DMD: variants seen among roughly 807,000 people sequenced by gnomAD.
DMD encodes the protein dystrophin.
In DMD, 63 loss-of-function variants were observed where a neutral mutation model predicts 330.1. That is an observed-to-expected ratio of 0.19 (90% CI 0.16 to 0.24). DMD has a LOEUF of 0.24. Among genes scored for constraint, DMD ranks in the 10% least tolerant of loss-of-function variants. The pLI, the probability that DMD is intolerant of heterozygous loss-of-function variation, is 1.00. For synonymous variants in DMD, 1,223 were observed against 959.8 expected (o/e 1.27, Z -5.07); for missense variants, 3,344 against 2,684.1 (o/e 1.25, Z -5.43).
chrX:33,138,895 G>T (rs762192879), intron 1 of DMD, among the ~76,000 whole-genome samples: 102 of 111,163 alleles, frequency 9.2e-4, no homozygotes, highest in African/African-American at 3.1e-3. Flanking sequence ...TTTCTGCCAC[G>T]TTTACCTCTT....
At chrX:33,042,788 C>T (rs1204683701) in intron 1 of DMD, among the ~76,000 whole-genome samples, 1 of 111,958 alleles carries the variant, frequency 8.9e-6, no homozygotes, top group Non-Finnish European at 1.9e-5. Context: ...TTTTCTTCTA[C>T]TGTACAGTTG....
chrX:32,615,655 T>A (rs1284586989), intron 11 of DMD, among the ~76,000 whole-genome samples: 1 of 111,730 alleles, frequency 9.0e-6, no homozygotes, highest in African/African-American at 3.2e-5. Flanking sequence ...GAAGTTTCCA[T>A]TAATCATCAC....
chrX:31,131,698 A>C (rs2034528183), intron 77 of DMD, among the ~76,000 whole-genome samples: 1 of 111,856 alleles, frequency 8.9e-6, no homozygotes, highest in African/African-American at 3.2e-5. Context: ...GCCAAACTTG[A>C]CGGTATATGT....
chrX:32,816,527 G>A lies in DMD; in HGVS notation c.471C>T (p.Ile157=), dbSNP rs1445172305. ...CATCAGACCAGCTGGTGGTGAAGTT[G>A]ATTACATTAACCTGTGGATAATTAC... ...STRNYPQVNV[I]NFTTSWSDGL... Residue 157 remains isoleucine (I), a synonymous_variant, in exon 6 of 79, where the codon ATC becomes ATT. Transcript: ENST00000357033. The A allele has an allele frequency of 5.8e-6, 7 of 1,211,458 alleles. No individual in the cohort carries two copies. The highest frequency in any genetic ancestry group is 7.8e-6 in the Non-Finnish European group (7 of 895,228).
intron 60 of DMD, among the ~76,000 whole-genome samples, chrX:31,436,611 A>G (rs1412097679): frequency 2.7e-5 from 3 of 112,114 alleles, no homozygotes; most frequent in African/African-American, 9.7e-5. Flanking sequence ...ACTAAAGTAC[A>G]ATTAGTTGTA....
rs184367192 is a variant in DMD at position 33,089,747 on chromosome X, C to A, written c.32-69547G>T. Among the ~76,000 whole-genome samples the A allele has an allele frequency of 3.8e-3, 420 of 111,007 alleles. 1 individual carries two copies. Among genetic ancestry groups the A allele is most frequent in the Non-Finnish European group, 5.5e-3 (292 of 53,012 alleles). On this transcript the variant is annotated intron_variant, in intron 1 of 78. Coordinates refer to ENST00000357033, the MANE Select transcript of DMD (RefSeq NM_004006.3). Reference sequence around the variant, plus strand: ...TGAAATTAATGAGCTAATTATTATTCTTCACGGTAAGATACAGAAGTAGAG... The same window carrying A: ...TGAAATTAATGAGCTAATTATTATTATTCACGGTAAGATACAGAAGTAGAG...
chrX:32,406,822 A>G (rs1190641874), intron 30 of DMD, among the ~76,000 whole-genome samples: 1 of 111,663 alleles, frequency 9.0e-6, no homozygotes, highest in Non-Finnish European at 1.9e-5. Context: ...ATAATGCCAC[A>G]TATCTACAAC....
intron 44 of DMD, among the ~76,000 whole-genome samples, chrX:32,204,073 A>G (rs1054284427): frequency 1.8e-5 from 2 of 111,740 alleles, no homozygotes; most frequent in African/African-American, 6.5e-5. Context: ...GTCTCTTAGG[A>G]AGACCTTGTC....
At chrX:32,348,355 ATATT>A (rs957039348) in intron 38 of DMD, 47 bp downstream of exon 38, 14 of 1,155,618 alleles carry the variant, frequency 1.2e-5, no homozygotes, top group Non-Finnish European at 1.7e-5. Flanking sequence ...TTCTTTCCAA[ATATT>A]TATTTCCACT....
Position 31,932,285 on chromosome X carries a change from T to G in DMD, c.6615-58A>C, listed in dbSNP as rs72466598. On this transcript the variant is annotated intron_variant, in intron 45 of 78. Coordinates refer to ENST00000357033, the MANE Select transcript of DMD (RefSeq NM_004006.3). ...TTTCCAACATAGTTCTCAAACTATT[T>G]GTTAATGCAAACTGGGACACAAACA... 10,553 of 936,607 alleles carry G rather than the reference T, an allele frequency of 0.011. 422 individuals are homozygous for G. In the African/African-American group the frequency reaches 0.14, roughly 12 times the overall value. The allele number at this position is 936,607 out of a possible 1,213,427, so 77.2% of individuals were successfully genotyped here.
intron 56 of DMD, among the ~76,000 whole-genome samples, chrX:31,498,005 C>A (rs1943424412): frequency 8.9e-6 from 1 of 112,221 alleles, no homozygotes; most frequent in South Asian, 3.6e-4. Context: ...ATTACAAATA[C>A]AATTCTCCTT....
chrX:32,264,506 G>A (rs1281810128), intron 43 of DMD, among the ~76,000 whole-genome samples: 3 of 111,815 alleles, frequency 2.7e-5, no homozygotes, highest in Non-Finnish European at 5.6e-5. Context: ...GGAGGACTCA[G>A]AAGAAGACAG....
chrX:33,198,340 C>T (rs1353919870), intron 1 of DMD, among the ~76,000 whole-genome samples: 4 of 110,270 alleles, frequency 3.6e-5, no homozygotes, highest in Non-Finnish European at 7.6e-5. Context: ...TTCTTTGAGA[C>T]TTTACAAAGA....
chrX:32,301,325 A>G (rs553500286), intron 42 of DMD, among the ~76,000 whole-genome samples: 1 of 109,907 alleles, frequency 9.1e-6, no homozygotes, highest in South Asian at 3.8e-4. Flanking sequence ...AGCTCCATAG[A>G]TTTCCTTACT....
At chrX:31,900,797 C>G (rs2094411961) in intron 47 of DMD, among the ~76,000 whole-genome samples, 1 of 111,199 alleles carries the variant, frequency 9.0e-6, no homozygotes, top group Non-Finnish European at 1.9e-5. Context: ...CTGTTCAAGT[C>G]CTTATTATCT....
intron 64 of DMD, among the ~76,000 whole-genome samples, chrX:31,219,405 C>T (rs2045746215): frequency 9.0e-6 from 1 of 111,124 alleles, no homozygotes; most frequent in Non-Finnish European, 1.9e-5. Flanking sequence ...TTTTCAACTC[C>T]GCCCTCTCTC....
At chrX:33,286,364 A>G (rs2053432967) in intron 1 of DMD, among the ~76,000 whole-genome samples, 1 of 111,938 alleles carries the variant, frequency 8.9e-6, no homozygotes, top group South Asian at 3.7e-4. Flanking sequence ...AGAAAGGTAA[A>G]ATTAGAGAAG....
At chrX:32,911,288 A>T (rs1422305613) in intron 2 of DMD, among the ~76,000 whole-genome samples, 2 of 112,021 alleles carry the variant, frequency 1.8e-5, no homozygotes, top group Admixed American at 1.9e-4. Flanking sequence ...TGGGAAAGAG[A>T]GGTAAACACA....
At chrX:32,594,496 G>A (rs2055294679) in intron 13 of DMD, among the ~76,000 whole-genome samples, 1 of 111,035 alleles carries the variant, frequency 9.0e-6, no homozygotes, top group African/African-American at 3.3e-5. Flanking sequence ...CCTGATGATT[G>A]TTTTTCTTTT....
Sources: allele counts gnomAD v4.1 joint callset (sites outside exome capture counted in the v4.1 genomes callset), GRCh38; gene constraint gnomAD v4.1.1; transcripts MANE v1.5; gene names NCBI Gene and HGNC (gene_info 2026-07-23, HGNC 2026-07-21).